The following FARS2 variants were observed in gnomAD, a reference collection of about 807,000 sequenced individuals.
FARS2 encodes the protein phenylalanine--tRNA ligase, mitochondrial.
A neutral mutation model predicts 46.4 loss-of-function variants in FARS2; 40 were observed. The ratio of observed to expected loss-of-function variants is 0.86; its 90% CI spans 0.67 to 1.12. FARS2 has a LOEUF of 1.12. Among genes scored for constraint, FARS2 ranks in the 50% most tolerant of loss-of-function variants. The pLI, the probability that FARS2 is intolerant of heterozygous loss-of-function variation, is 0.00. For missense variants in FARS2, 513 were observed against 567.9 expected, an observed-to-expected ratio of 0.90 and a Z score of 0.98; for synonymous variants, 234 against 214.9, an observed-to-expected ratio of 1.09 and a Z score of -0.78.
chr6:5,548,869 C>G (rs1424522013), intron 5 of FARS2, among the ~76,000 whole-genome samples: 1 of 152,120 alleles, frequency 6.6e-6, no homozygotes, highest in African/African-American at 2.4e-5. Context: ...TTAAGAACTT[C>G]TAACGGGGCA....
chr6:5,655,054 C>T (rs1366333983), intron 6 of FARS2, among the ~76,000 whole-genome samples: 3 of 152,148 alleles, frequency 2.0e-5, no homozygotes, highest in Non-Finnish European at 4.4e-5. Flanking sequence ...GTTGGCAAAG[C>T]TCTTGGTCAA....
chr6:5,509,556 G>C (rs1164838562), intron 4 of FARS2, among the ~76,000 whole-genome samples: 1 of 152,178 alleles, frequency 6.6e-6, no homozygotes, highest in Non-Finnish European at 1.5e-5. Context: ...GCAGGAAAAT[G>C]GGTTCTTAAG....
At chr6:5,613,548 A>G (rs1286657920) in intron 6 of FARS2, among the ~76,000 whole-genome samples, 2 of 152,224 alleles carry the variant, frequency 1.3e-5, no homozygotes, top group Admixed American at 6.5e-5. Flanking sequence ...AAATATATGA[A>G]ACAGAATCTT....
At chr6:5,406,444 C>T (rs1761601605) in intron 3 of FARS2, among the ~76,000 whole-genome samples, 1 of 152,164 alleles carries the variant, frequency 6.6e-6, no homozygotes, top group Admixed American at 6.5e-5. Context: ...CTGCCCTTAC[C>T]ACATCTCACC....
chr6:5,616,925 G>A (rs1408848684), intron 6 of FARS2, among the ~76,000 whole-genome samples: 1 of 151,934 alleles, frequency 6.6e-6, no homozygotes, highest in Non-Finnish European at 1.5e-5. Context: ...GAAGCTGAGA[G>A]AAATTTCTGT....
At chr6:5,676,001 C>G (rs1778748517) in intron 6 of FARS2, among the ~76,000 whole-genome samples, 1 of 151,848 alleles carries the variant, frequency 6.6e-6, no homozygotes, top group Non-Finnish European at 1.5e-5. Context: ...ACTTTTTTTA[C>G]TGAATGAAGG....
At chr6:5,403,307 G>A (rs1319619400) in intron 2 of FARS2, among the ~76,000 whole-genome samples, 1 of 152,110 alleles carries the variant, frequency 6.6e-6, no homozygotes, top group Non-Finnish European at 1.5e-5. Flanking sequence ...TCTACACAAG[G>A]ACTGGTTTAC....
chr6:5,393,517 G>A lies in FARS2; in HGVS notation c.613-11025G>A, dbSNP rs554051590. On this transcript the variant is annotated intron_variant, in intron 2 of 6. Transcript: ENST00000274680. ...TAAAAATACAAAAAAAATTAGCTGG[G>A]CATGGTGGTGCGTGCCTGTAGTCCC... is the stretch of plus-strand genomic sequence containing the variant. Among the ~76,000 whole-genome samples the A allele has an allele frequency of 2.0e-5, 3 of 152,184 alleles. No individual in the cohort carries two copies. In the South Asian group the frequency reaches 6.2e-4, roughly 32 times the overall value.
intron 3 of FARS2, 58 bp from the exon 4 acceptor site, chr6:5,430,983 C>T: frequency 6.4e-7 from 1 of 1,562,980 alleles, no homozygotes. Flanking sequence ...AATTTGATCA[C>T]AAGAAAGGGC....
At chr6:5,712,016 A>G (rs1458685514) in intron 6 of FARS2, among the ~76,000 whole-genome samples, 1 of 152,266 alleles carries the variant, frequency 6.6e-6, no homozygotes, top group Non-Finnish European at 1.5e-5. Flanking sequence ...CTTCTAAAAT[A>G]AAAAGTTTAT....
chr6:5,499,707 GCTTGGTGATAT>G (rs1306963091), intron 4 of FARS2, among the ~76,000 whole-genome samples: 1 of 152,102 alleles, frequency 6.6e-6, no homozygotes, highest in Non-Finnish European at 1.5e-5. Flanking sequence ...GCTTCCTTTG[GCTTGGTGATAT>G]CATTGCCTGC....
intron 2 of FARS2, among the ~76,000 whole-genome samples, chr6:5,379,807 A>G (rs530388669): frequency 2.6e-5 from 4 of 152,344 alleles, no homozygotes; most frequent in East Asian, 1.9e-4. Context: ...CAGGGTGCCC[A>G]GTAAGAATAC....
At chr6:5,674,379 T>A (rs1468676685) in intron 6 of FARS2, among the ~76,000 whole-genome samples, 1 of 152,012 alleles carries the variant, frequency 6.6e-6, no homozygotes, top group African/African-American at 2.4e-5. Flanking sequence ...TAACTTCCTG[T>A]CGAGGATGTT....
intron 2 of FARS2, among the ~76,000 whole-genome samples, chr6:5,381,382 CACACACACACACACACACACACAT>C (rs1370637766): frequency 1.6e-5 from 2 of 126,108 alleles, no homozygotes; most frequent in Non-Finnish European, 3.3e-5. Flanking sequence ...CACACACACA[CACACACACACACACACACACACAT>C]ACACACACAC....
chr6:5,356,187 GC>G (rs1446526323), intron 1 of FARS2, among the ~76,000 whole-genome samples: 2 of 152,158 alleles, frequency 1.3e-5, no homozygotes, highest in Non-Finnish European at 2.9e-5. Context: ...TGTGGCTTAC[GC>G]CTATAATTGT....
chr6:5,546,530 G>A (rs529229557), intron 5 of FARS2, among the ~76,000 whole-genome samples: 30 of 151,690 alleles, frequency 2.0e-4, no homozygotes, highest in Admixed American at 4.6e-4. Context: ...GATTACAGGA[G>A]TGAGCCACTG....
chr6:5,685,392 A>G (rs1757120077), intron 6 of FARS2, among the ~76,000 whole-genome samples: 1 of 152,204 alleles, frequency 6.6e-6, no homozygotes, highest in Non-Finnish European at 1.5e-5. Context: ...TGCCCTGTCC[A>G]GTCCTTCCAA....
chr6:5,392,933 T>C (rs1256288363), intron 2 of FARS2, among the ~76,000 whole-genome samples: 1 of 50,884 alleles, frequency 2.0e-5, no homozygotes, highest in Non-Finnish European at 3.6e-5. Context: ...TACATATATG[T>C]GTGTGTGTAT....
intron 4 of FARS2, among the ~76,000 whole-genome samples, chr6:5,523,165 G>T (rs563033784): frequency 6.6e-6 from 1 of 152,194 alleles, no homozygotes. Flanking sequence ...AAGGGATCTT[G>T]TAACTTTCCT....
Sources: gnomAD v4.1 joint callset for allele counts (sites outside exome capture counted in the v4.1 genomes callset) on GRCh38, gnomAD v4.1.1 for gene constraint, MANE v1.5 for transcripts, NCBI Gene and HGNC (gene_info 2026-07-23, HGNC 2026-07-21) for gene names.